RBM33: variants seen among roughly 807,000 people sequenced by gnomAD.
The protein encoded by RBM33 is RNA binding motif protein 33.
RBM33 carries 28 observed loss-of-function variants against 132.6 expected under a neutral mutation model. The observed-to-expected ratio is 0.21, with a 90% CI of 0.16 to 0.29. The LOEUF is 0.29. Among genes scored for constraint, RBM33 ranks in the 10% least tolerant of loss-of-function variants. RBM33 has a pLI of 1.00. For synonymous variants in RBM33, 634 were observed against 593.0 expected, an observed-to-expected ratio of 1.07 and a Z score of -1.01; for missense variants, 1,291 against 1,518.5, an observed-to-expected ratio of 0.85 and a Z score of 2.49.
chr7:155,708,918 T>G (rs1800196123), intron 7 of RBM33, among the ~76,000 whole-genome samples: 1 of 151,974 alleles, frequency 6.6e-6, no homozygotes, highest in East Asian at 1.9e-4. Context: ...CTTGTACCCA[T>G]TTTCTCCTTG....
At chr7:155,720,351 C>A (rs1439034017) in intron 9 of RBM33, among the ~76,000 whole-genome samples, 7 of 152,122 alleles carry the variant, frequency 4.6e-5, no homozygotes, top group African/African-American at 1.7e-4. Context: ...AAATCATTTT[C>A]CCTTAGAGAA....
intron 1 of RBM33, among the ~76,000 whole-genome samples, chr7:155,661,760 G>T (rs554452262): frequency 1.3e-5 from 2 of 151,926 alleles, no homozygotes; most frequent in African/African-American, 4.8e-5. Flanking sequence ...TTTTCTTTCG[G>T]TTTTTTGATC....
chr7:155,764,756 G>A lies in RBM33; in HGVS notation c.3186+738G>A, dbSNP rs77060995. On this transcript the variant is annotated intron_variant, in intron 15 of 17. Transcript: ENST00000401878. ...GAGCTATGCAGAGGGAGACCTGGGC[G>A]CAGCCCTGCTTTGCGCTCTGGAGAA... is the stretch of plus-strand genomic sequence containing the variant. 8.5e-5 allele frequency among the ~76,000 whole-genome samples: 13 copies of A among 152,392 alleles called. No individual in the cohort carries two copies. In the East Asian group the frequency reaches 1.5e-3, roughly 18 times the overall value.
At chr7:155,725,830 A>G (rs1426400303) in intron 9 of RBM33, among the ~76,000 whole-genome samples, 2 of 152,194 alleles carry the variant, frequency 1.3e-5, no homozygotes, top group African/African-American at 2.4e-5. Flanking sequence ...TTACCCCTGC[A>G]TGAAACCTAG....
At chr7:155,676,415 A>G (rs902258998) in intron 3 of RBM33, among the ~76,000 whole-genome samples, 3 of 152,266 alleles carry the variant, frequency 2.0e-5, no homozygotes, top group East Asian at 1.9e-4. Context: ...CTCCTGTTAC[A>G]TTGAGGTGGC....
intron 4 of RBM33, 47 bp downstream of exon 4, chr7:155,678,731 G>T: frequency 2.2e-6 from 2 of 894,872 alleles, no homozygotes; most frequent in South Asian, 1.5e-5. Context: ...TAACTAAATT[G>T]ATAGGAACTG....
At chr7:155,769,696 G>A (rs1426276166) in intron 16 of RBM33, among the ~76,000 whole-genome samples, 1 of 152,056 alleles carries the variant, frequency 6.6e-6, no homozygotes, top group African/African-American at 2.4e-5. Context: ...TTTACGTCTG[G>A]TTCTGACTGC....
chr7:155,743,407 C>A (rs1442682217), intron 13 of RBM33, among the ~76,000 whole-genome samples: 7 of 152,268 alleles, frequency 4.6e-5, no homozygotes, highest in Non-Finnish European at 7.3e-5. Flanking sequence ...GCTGGCACAT[C>A]TGGCGATCAC....
intron 1 of RBM33, among the ~76,000 whole-genome samples, chr7:155,661,083 C>CTGTGTGTGTGTGTGGTGTGTG (rs1299829370): frequency 7.6e-6 from 1 of 132,306 alleles, no homozygotes; most frequent in Non-Finnish European, 1.6e-5. Flanking sequence ...AAAATAATTT[C>CTGTGTGTGTGTGTGGTGTGTG]TGTGTGTGTG....
chr7:155,673,940 G>GTTGTTTTTTGTTTTTGTT, intron 3 of RBM33, among the ~76,000 whole-genome samples: 9 of 54,214 alleles, frequency 1.7e-4, no homozygotes, highest in East Asian at 6.7e-4. Context: ...TTTAGGCTTA[G>GTTGTTTTTTGTTTTTGTT]TTTTTTTTTT....
At position 155,741,924 on chromosome 7, in the gene RBM33, A is replaced by T. The variant is rs776877706; in HGVS notation, c.2155A>T (p.Ile719Leu). The T allele has an allele frequency of 1.2e-6, 2 of 1,613,988 alleles. No individual in the cohort carries two copies. The highest frequency in any genetic ancestry group is 2.2e-5 in the South Asian group (2 of 91,082). Residue 719 changes from isoleucine (I) to leucine (L), a missense_variant, in exon 13 of 18, where the codon ATA (isoleucine) becomes TTA (leucine). Ile to Leu is a conservative substitution (Grantham distance 5, BLOSUM62 2). Transcript: ENST00000401878. ...ATTACCCATAGCGCCGTCACACGTG[A>T]TAGAAATGAGCAGCAGCCGCTGCTC... Reference protein sequence around the residue: ...RELPIAPSHVIEMSSSRCSAT... With the variant: ...RELPIAPSHVLEMSSSRCSAT...
In RBM33 at chr7:155,743,362, C is replaced by A. The variant is rs1801411985; in HGVS notation, c.2337+1256C>A. Among the ~76,000 whole-genome samples the A allele has an allele frequency of 3.3e-5, 5 of 152,218 alleles. No individual in the cohort carries two copies. In the South Asian group the frequency reaches 1.0e-3, roughly 31 times the overall value. On this transcript the variant is annotated intron_variant, in intron 13 of 17. Transcript: ENST00000401878. ...AAGTCACACATTCATAATAACAGGGCTACCTAATAGGGGAAGTTGCCTTTC... is the reference window on the plus strand; with the variant it reads ...AAGTCACACATTCATAATAACAGGGATACCTAATAGGGGAAGTTGCCTTTC...
intron 9 of RBM33, among the ~76,000 whole-genome samples, chr7:155,725,221 T>G (rs1456425394): frequency 7.1e-6 from 1 of 140,344 alleles, no homozygotes; most frequent in Non-Finnish European, 1.5e-5. Flanking sequence ...TTTTTTTTTT[T>G]TTTGAATGAG....
intron 9 of RBM33, among the ~76,000 whole-genome samples, chr7:155,724,204 T>C (rs966864804): frequency 1.3e-5 from 2 of 152,194 alleles, no homozygotes; most frequent in Admixed American, 6.5e-5. Context: ...TTTAGGTGCA[T>C]TTTTAAGGCA....
intron 9 of RBM33, among the ~76,000 whole-genome samples, chr7:155,728,467 A>G (rs1330637019): frequency 6.6e-6 from 1 of 152,124 alleles, no homozygotes. Context: ...TACTCTATTT[A>G]ACTAAATTCC....
Position 155,774,525 on chromosome 7 carries a change from A to T in RBM33, c.3376-34A>T. 2 of 1,451,772 alleles carry T rather than the reference A, an allele frequency of 1.4e-6. No homozygotes were observed. The highest frequency in any genetic ancestry group is 1.9e-6 in the Non-Finnish European group (2 of 1,032,256). 89.9% of individuals were successfully genotyped at this position (1,451,772 alleles called of 1,614,324 possible). A position where few individuals can be genotyped will look rare whatever the true frequency, so the allele number is the denominator to read the frequency against. ...ATTCATATTTTTTATTGTCATTTAC[A>T]ACTGATCTTAAAGTGTTTGTTTTCT... is the stretch of plus-strand genomic sequence containing the variant. On this transcript the variant is annotated intron_variant, in intron 16 of 17. Coordinates refer to ENST00000401878, the MANE Select transcript of RBM33 (RefSeq NM_053043.3). The surrounding 1 kb of genome is among the most constrained non-coding windows in gnomAD (Gnocchi z 4.2).
chr7:155,710,323 T>C (rs906938979), intron 7 of RBM33, among the ~76,000 whole-genome samples: 39 of 152,194 alleles, frequency 2.6e-4, no homozygotes, highest in Admixed American at 2.2e-3. Flanking sequence ...TACTTGATCT[T>C]GTAAAAGGAG....
Position 155,745,597 on chromosome 7 carries a change from G to A in RBM33, c.2974G>A (p.Gly992Ser). The change falls in exon 14 of 18, where the codon GGT becomes AGT. Residue 992 changes from glycine (G) to serine (S), a missense_variant. This residue lies in a region of RBM33 where 841 missense variants were observed against 912.0 expected (regional missense o/e 0.92). Transcript: ENST00000401878. The surrounding 1 kb of genome is among the most constrained non-coding windows in gnomAD (Gnocchi z 4.1). ...CAAGGTCAGGGTGATTAAGCTGTCA[G>A]GTGGGGTAAGTTGACAAGTTTTATG... is the stretch of plus-strand genomic sequence containing the variant. ...SSKVRVIKLSGGGGESDGFFH... is the reference protein window; with the variant it reads ...SSKVRVIKLSSGGGESDGFFH... 6.3e-7 allele frequency: 1 copy of A among 1,577,190 alleles called. No homozygotes were observed. The highest frequency in any genetic ancestry group is 8.6e-7 in the Non-Finnish European group (1 of 1,159,944).
Position 155,775,393 on chromosome 7 carries a change from TAACGTCAC to T in RBM33, c.*355_*362del, listed in dbSNP as rs1175903127. ...GTGACTTAGATTCAGGAAAGAACAT[TAACGTCAC>T]AAGTTCTAAGTAGTTTTCACAGCAA... On this transcript the variant is annotated 3_prime_UTR_variant, in exon 18 of 18. Coordinates refer to ENST00000401878, the MANE Select transcript of RBM33 (RefSeq NM_053043.3). 4.7e-6 allele frequency: 2 copies of T among 421,188 alleles called. No homozygotes were observed. The highest frequency in any genetic ancestry group is 8.9e-6 in the Non-Finnish European group (2 of 224,904). 26.1% of individuals were successfully genotyped at this position (421,188 alleles called of 1,614,324 possible).
Sources: gnomAD v4.1 joint callset for allele counts (sites outside exome capture counted in the v4.1 genomes callset) on GRCh38, gnomAD v4.1.1 for gene constraint, gnomAD v4.1.1 regional missense constraint, Gnocchi (gnomAD v3.1) non-coding constraint, MANE v1.5 for transcripts, NCBI Gene and HGNC (gene_info 2026-07-23, HGNC 2026-07-21) for gene names.